BLK: variants seen among roughly 807,000 people sequenced by gnomAD.
BLK encodes BLK proto-oncogene, Src family tyrosine kinase, also known as tyrosine-protein kinase Blk.
Under a neutral mutation model 61.8 loss-of-function variants are expected in BLK, and 64 were observed. The ratio of observed to expected loss-of-function variants is 1.03; its 90% CI spans 0.85 to 1.27. The LOEUF is 1.27. Ranked by LOEUF, BLK falls within the 50% of genes most tolerant of loss-of-function variation. The pLI, the probability that BLK is intolerant of heterozygous loss-of-function variation, is 0.00. For missense variants in BLK, 853 were observed against 660.5 expected, an observed-to-expected ratio of 1.29 and a Z score of -3.19; for synonymous variants, 351 against 272.0, an observed-to-expected ratio of 1.29 and a Z score of -2.86.
intron 10 of BLK, chr8:11,559,081 T>C (rs570029040): frequency 1.3e-5 from 6 of 446,144 alleles, no homozygotes; most frequent in African/African-American, 6.0e-5. Flanking sequence ...CTTCCTTCTC[T>C]CACCCTCCGC....
chr8:11,515,221 T>C (rs1171749262), intron 1 of BLK, among the ~76,000 whole-genome samples: 1 of 152,166 alleles, frequency 6.6e-6, no homozygotes, highest in South Asian at 2.1e-4. Flanking sequence ...AGAAGGAAGA[T>C]GGGTCCTGGA....
chr8:11,519,302 G>A (rs1000870460), intron 1 of BLK, among the ~76,000 whole-genome samples: 5 of 152,184 alleles, frequency 3.3e-5, no homozygotes, highest in African/African-American at 7.2e-5. Context: ...CTGTCACAGC[G>A]TTTCTGGACA....
At chr8:11,503,895 C>T (rs754940479) in intron 1 of BLK, among the ~76,000 whole-genome samples, 1 of 152,174 alleles carries the variant, frequency 6.6e-6, no homozygotes, top group Non-Finnish European at 1.5e-5. Flanking sequence ...GCCACCCAGA[C>T]AAGTGTCCTG....
Position 11,564,104 on chromosome 8 carries a change from C to G in BLK, c.1514C>G (p.Pro505Arg). ...TATERQYELQP is the reference protein window; with the variant it reads ...TATERQYELQR The stretch of plus-strand genomic sequence containing the variant: ...ACCGAGCGGCAGTACGAGCTGCAGC[C>G]CTAGCCGGCCGCGCCCGCCTGCGCC... Residue 505 changes from proline to arginine, a missense_variant, in exon 13 of 13, where the codon CCC (proline) becomes CGC (arginine). By Grantham distance (103) the Pro-to-Arg change is moderately radical. Coordinates refer to ENST00000259089, the MANE Select transcript of BLK (RefSeq NM_001715.3). 2 of 1,562,752 alleles carry G rather than the reference C, an allele frequency of 1.3e-6. No homozygotes were observed. The highest frequency in any genetic ancestry group is 1.7e-6 in the Non-Finnish European group (2 of 1,159,676).
At chr8:11,560,995 TCCTG>T (rs1172534484) in intron 10 of BLK, 1 of 570,814 alleles carries the variant, frequency 1.8e-6, no homozygotes, top group Non-Finnish European at 3.3e-6. Flanking sequence ...TCTCCTTTTC[TCCTG>T]CCTGTGTTCT....
chr8:11,543,910 A>C (rs1200114848), intron 2 of BLK, among the ~76,000 whole-genome samples: 1 of 152,046 alleles, frequency 6.6e-6, no homozygotes, highest in Non-Finnish European at 1.5e-5. Flanking sequence ...ATGCAGTTTG[A>C]TTTGTTTATA....
intron 3 of BLK, 127 bp downstream of exon 3, chr8:11,546,230 A>G: frequency 8.6e-6 from 10 of 1,158,164 alleles, no homozygotes; most frequent in Non-Finnish European, 1.3e-5. Flanking sequence ...GGGGAAGCTG[A>G]GAGAGGCCCC....
intron 1 of BLK, among the ~76,000 whole-genome samples, chr8:11,497,183 C>T (rs1463655239): frequency 6.6e-6 from 1 of 152,196 alleles, no homozygotes; most frequent in Non-Finnish European, 1.5e-5. Flanking sequence ...TCTCAACATA[C>T]TGAGATGGAA....
At chr8:11,509,610 A>G (rs572679246) in intron 1 of BLK, 1 of 152,106 alleles carries the variant, frequency 6.6e-6, no homozygotes, top group Non-Finnish European at 1.5e-5. Flanking sequence ...GTCTGTGGCG[A>G]CCCGGCTGCC....
chr8:11,533,338 G>C (rs1799970120), intron 1 of BLK, among the ~76,000 whole-genome samples: 1 of 152,152 alleles, frequency 6.6e-6, no homozygotes, highest in Admixed American at 6.5e-5. Context: ...CAAACCCGAT[G>C]GAGGTGCTTC....
At chr8:11,545,415 G>A (rs1320531279) in intron 2 of BLK, among the ~76,000 whole-genome samples, 1 of 152,146 alleles carries the variant, frequency 6.6e-6, no homozygotes, top group African/African-American at 2.4e-5. Flanking sequence ...TGGGCGTGAT[G>A]GCGGGCACCT....
chr8:11,541,592 G>C (rs1800384682), intron 1 of BLK, among the ~76,000 whole-genome samples: 1 of 151,722 alleles, frequency 6.6e-6, no homozygotes, highest in Admixed American at 6.6e-5. Flanking sequence ...CCGCCTCCTG[G>C]GTTCAAGTGA....
intron 1 of BLK, among the ~76,000 whole-genome samples, chr8:11,522,935 G>C (rs1206637793): frequency 6.6e-6 from 1 of 152,074 alleles, no homozygotes; most frequent in East Asian, 1.9e-4. Flanking sequence ...AGAAAATAAT[G>C]ACCAATCTTT....
intron 1 of BLK, among the ~76,000 whole-genome samples, chr8:11,530,666 A>T (rs1799848069): frequency 1.3e-5 from 1 of 78,786 alleles, no homozygotes. Context: ...CAATTGTTAA[A>T]AGTTGTAAAT....
At chr8:11,506,569 T>C (rs1023982498) in intron 1 of BLK, among the ~76,000 whole-genome samples, 2 of 152,200 alleles carry the variant, frequency 1.3e-5, no homozygotes, top group African/African-American at 4.8e-5. Context: ...AAAAGCTATC[T>C]GGTAATAGCT....
intron 4 of BLK, among the ~76,000 whole-genome samples, 183 bp downstream of exon 4, chr8:11,548,308 G>C (rs190334494): frequency 1.5e-3 from 225 of 152,142 alleles, no homozygotes; most frequent in African/African-American, 4.7e-3. Flanking sequence ...AAATCTTTCC[G>C]GTGAAGTAAT....
intron 1 of BLK, among the ~76,000 whole-genome samples, chr8:11,535,661 G>C (rs895640916): frequency 1.3e-5 from 2 of 152,204 alleles, no homozygotes; most frequent in African/African-American, 2.4e-5. Flanking sequence ...TGAGGAACTT[G>C]TCAATGGAGG....
chr8:11,504,451 C>T (rs1003911047), intron 1 of BLK, among the ~76,000 whole-genome samples: 2 of 151,112 alleles, frequency 1.3e-5, no homozygotes, highest in African/African-American at 4.9e-5. Context: ...GCACAAAAGC[C>T]ACACCCCTTT....
At chr8:11,514,985 A>T (rs1401201594) in intron 1 of BLK, among the ~76,000 whole-genome samples, 1 of 151,872 alleles carries the variant, frequency 6.6e-6, no homozygotes, top group East Asian at 1.9e-4. Flanking sequence ...CACGCACATG[A>T]CTTTCACCTC....
Sources: gnomAD v4.1 joint callset for allele counts (sites outside exome capture counted in the v4.1 genomes callset) on GRCh38, gnomAD v4.1.1 for gene constraint, MANE v1.5 for transcripts, NCBI Gene and HGNC (gene_info 2026-07-23, HGNC 2026-07-21) for gene names.